Variants in NPAS3 observed in about 807,000 individuals in gnomAD.
NPAS3 encodes neuronal PAS domain protein 3.
Under a neutral mutation model 73.1 loss-of-function variants are expected in NPAS3, and 14 were observed. The observed-to-expected ratio is 0.19, with a 90% CI of 0.13 to 0.30. The LOEUF is 0.30. Among genes scored for constraint, NPAS3 ranks in the 10% least tolerant of loss-of-function variants. The pLI is 1.00. For missense variants in NPAS3, 1,096 were observed against 1,250.0 expected, an observed-to-expected ratio of 0.88 and a Z score of 1.86; for synonymous variants, 620 against 541.5, an observed-to-expected ratio of 1.14 and a Z score of -2.01.
intron 5 of NPAS3, among the ~76,000 whole-genome samples, chr14:33,639,081 C>A (rs980633790): frequency 3.3e-5 from 5 of 152,178 alleles, no homozygotes; most frequent in Non-Finnish European, 5.9e-5. Context: ...CTTGGCGTAG[C>A]ATGATTCCCT....
chr14:33,271,013 A>T (rs1186360932), intron 3 of NPAS3, among the ~76,000 whole-genome samples: 1 of 152,230 alleles, frequency 6.6e-6, no homozygotes, highest in Non-Finnish European at 1.5e-5. Flanking sequence ...TTATTTGATC[A>T]TAATTTTAGA....
chr14:33,176,233 TA>T (rs775791241), intron 2 of NPAS3, among the ~76,000 whole-genome samples: 3 of 152,192 alleles, frequency 2.0e-5, no homozygotes, highest in Non-Finnish European at 2.9e-5. Flanking sequence ...ATACATAACA[TA>T]AAATTAGCCA....
intron 9 of NPAS3, among the ~76,000 whole-genome samples, chr14:33,791,400 G>T (rs2063355371): frequency 6.6e-6 from 1 of 152,188 alleles, no homozygotes; most frequent in African/African-American, 2.4e-5. Context: ...AAAGAAAGCT[G>T]TATTATTATA....
intron 1 of NPAS3, among the ~76,000 whole-genome samples, chr14:32,957,304 T>A (rs983976894): frequency 6.6e-6 from 1 of 152,194 alleles, no homozygotes; most frequent in African/African-American, 2.4e-5. Context: ...TTTAAACATT[T>A]GAATTTGTTA....
chr14:33,194,585 A>T (rs1275979911), intron 2 of NPAS3, among the ~76,000 whole-genome samples: 2 of 152,186 alleles, frequency 1.3e-5, no homozygotes. Context: ...TAGTATTTAT[A>T]GTAATTACAG....
At chr14:33,173,257 A>G (rs2139391389) in intron 2 of NPAS3, among the ~76,000 whole-genome samples, 2 of 152,338 alleles carry the variant, frequency 1.3e-5, no homozygotes, top group South Asian at 4.1e-4. Flanking sequence ...AGCAAGCTTT[A>G]TGTGCCAAGT....
chr14:33,803,218 G>A (rs921734028), downstream of NPAS3: 2 of 152,180 alleles, frequency 1.3e-5, no homozygotes, highest in Non-Finnish European at 2.9e-5. Flanking sequence ...CAGTGAGACA[G>A]AAAATTCTTT....
intron 2 of NPAS3, among the ~76,000 whole-genome samples, chr14:33,169,542 T>C (rs1017840020): frequency 1.3e-5 from 2 of 152,202 alleles, no homozygotes; most frequent in African/African-American, 4.8e-5. Context: ...TACTCCAGCC[T>C]GGGTGACAGA....
chr14:33,267,037 T>C (rs2040851182), intron 3 of NPAS3, among the ~76,000 whole-genome samples: 1 of 152,216 alleles, frequency 6.6e-6, no homozygotes, highest in Admixed American at 6.5e-5. Flanking sequence ...TTTGTTATTA[T>C]GGCTTTGTCA....
At chr14:33,388,473 G>A (rs1393443336) in intron 4 of NPAS3, among the ~76,000 whole-genome samples, 1 of 151,870 alleles carries the variant, frequency 6.6e-6, no homozygotes, top group African/African-American at 2.4e-5. Context: ...TTGGAAATAT[G>A]ATTGGGATTT....
At chr14:33,216,265 G>T (rs1410212965) in intron 3 of NPAS3, among the ~76,000 whole-genome samples, 1 of 152,144 alleles carries the variant, frequency 6.6e-6, no homozygotes, top group Non-Finnish European at 1.5e-5. Context: ...GGCATTTGGA[G>T]GAGGTGCAGG....
chr14:33,760,290 C>T (rs1259324192), intron 7 of NPAS3, among the ~76,000 whole-genome samples: 2 of 152,152 alleles, frequency 1.3e-5, no homozygotes, highest in Non-Finnish European at 2.9e-5. Context: ...CAATTTTACT[C>T]GGGGCCCCAG....
chr14:33,025,469 G>A (rs912529720), intron 1 of NPAS3, among the ~76,000 whole-genome samples: 2 of 152,158 alleles, frequency 1.3e-5, no homozygotes, highest in African/African-American at 4.8e-5. Flanking sequence ...GTGTTAACTT[G>A]CTGGTATCCT....
chr14:33,140,105 G>A (rs1230323500), intron 2 of NPAS3, among the ~76,000 whole-genome samples: 1 of 152,092 alleles, frequency 6.6e-6, no homozygotes, highest in Admixed American at 6.5e-5. Flanking sequence ...ATGATGAAGT[G>A]TACTTTCACC....
At chr14:33,571,774 G>A (rs1272724170) in intron 5 of NPAS3, among the ~76,000 whole-genome samples, 1 of 152,168 alleles carries the variant, frequency 6.6e-6, no homozygotes, top group African/African-American at 2.4e-5. Context: ...TTTGAAATTA[G>A]TTTCCCTTGT....
intron 9 of NPAS3, 27 bp downstream of exon 9, chr14:33,778,599 A>C: frequency 6.7e-7 from 1 of 1,485,088 alleles, no homozygotes; most frequent in Non-Finnish European, 9.4e-7. Context: ...TGGGGGAATA[A>C]CCCCGGCTGG....
chr14:33,286,480 C>A (rs930449305), intron 3 of NPAS3, among the ~76,000 whole-genome samples: 4 of 152,240 alleles, frequency 2.6e-5, no homozygotes, highest in African/African-American at 9.6e-5. Flanking sequence ...TGTGTTCATG[C>A]CCCCAAATGC....
chr14:33,445,932 C>T (rs1341367985), intron 4 of NPAS3, among the ~76,000 whole-genome samples: 5 of 134,388 alleles, frequency 3.7e-5, no homozygotes, highest in African/African-American at 5.7e-5. Context: ...GAGTGTTGCA[C>T]TTTTTTTTTT....
intron 7 of NPAS3, among the ~76,000 whole-genome samples, chr14:33,768,391 A>C (rs991433667): frequency 6.6e-6 from 1 of 152,206 alleles, no homozygotes; most frequent in Non-Finnish European, 1.5e-5. Flanking sequence ...ATTAAGATGA[A>C]CTTTTTGAAC....
Sources: allele counts gnomAD v4.1 joint callset (sites outside exome capture counted in the v4.1 genomes callset), GRCh38; gene constraint gnomAD v4.1.1; transcripts MANE v1.5; gene names NCBI Gene and HGNC (gene_info 2026-07-23, HGNC 2026-07-21).